VPS33A: variants seen among roughly 807,000 people sequenced by gnomAD.
The protein encoded by VPS33A is VPS33A core subunit of CORVET and HOPS complexes.
VPS33A carries 32 observed loss-of-function variants against 71.8 expected under a neutral mutation model. The ratio of observed to expected loss-of-function variants is 0.45; its 90% confidence interval spans 0.34 to 0.60. VPS33A has a LOEUF of 0.60. Among genes scored for constraint, VPS33A ranks in the 20% least tolerant of loss-of-function variants. The pLI is 0.02. For missense variants in VPS33A, 625 were observed against 748.5 expected (o/e 0.84, Z 1.92); for synonymous variants, 311 against 292.7 (o/e 1.06, Z -0.64).
In VPS33A at chr12:122,239,543, G is replaced by A. The variant is rs929693337; in HGVS notation, c.1164+335C>T. On this transcript the variant is annotated intron_variant, in intron 9 of 12. Transcript: ENST00000267199. ...AAGGTCGGAGATCGAGACCATCCTG[G>A]CTAACATGGTGAAACCCCGTCTCTA... Among the ~76,000 whole-genome samples the A allele has an allele frequency of 5.3e-5, 8 of 152,142 alleles. No homozygotes were observed. The East Asian group carries it at 1.4e-3, about 26-fold the overall frequency.
At chr12:122,238,385 T>C (rs1954658466) in intron 10 of VPS33A, among the ~76,000 whole-genome samples, 1 of 152,144 alleles carries the variant, frequency 6.6e-6, no homozygotes, top group South Asian at 2.1e-4. Context: ...CATGCCTGGC[T>C]AATTTTTGTA....
At chr12:122,244,141 T>C (rs1954747513) in intron 7 of VPS33A, among the ~76,000 whole-genome samples, 1 of 152,126 alleles carries the variant, frequency 6.6e-6, no homozygotes. Context: ...TTCAGTCTCA[T>C]TATCACCTGC....
In VPS33A at chr12:122,239,749, C is replaced by CAAAAAA. The variant is rs5801475; in HGVS notation, c.1164+123_1164+128dup. 1.4e-3 allele frequency: 278 copies of CAAAAAA among 197,804 alleles called. 31 individuals are homozygous for CAAAAAA. Among genetic ancestry groups the CAAAAAA allele is most frequent in the African/African-American group, 2.8e-3 (52 of 18,648 alleles). The allele number at this position is 197,804 out of a possible 1,614,324, so 12.3% of individuals were successfully genotyped here. A position where few individuals can be genotyped will look rare whatever the true frequency, so the allele number is the denominator to read the frequency against. On this transcript the variant is annotated intron_variant, in intron 9 of 12. Coordinates refer to ENST00000267199, the MANE Select transcript of VPS33A (RefSeq NM_022916.6). ...GGTGACACACAGTGAGACTCCGTCT[C>CAAAAAA]AAAAAAAAAAAAAAAAAAAAAAAAA...
At position 122,244,766 on chromosome 12, in the gene VPS33A, A is replaced by G. The variant is rs762527307; in HGVS notation, c.776-4T>C. 4 of 1,608,688 alleles carry G rather than the reference A, an allele frequency of 2.5e-6. No individual in the cohort carries two copies. Among genetic ancestry groups the G allele is most frequent in the Non-Finnish European group, 3.4e-6 (4 of 1,175,834 alleles). On this transcript the variant is annotated splice_polypyrimidine_tract_variant and splice_region_variant and intron_variant, in intron 6 of 12. Transcript: ENST00000267199. ...TCTGGAGGTAATTTCACATAACCTG[A>G]GCAGCAGTGGAAGGGAATAAGCACC...
chr12:122,244,698 G>A lies in VPS33A; in HGVS notation c.840C>T (p.Leu280=). 6.2e-7 allele frequency: 1 copy of A among 1,614,152 alleles called. No individual in the cohort carries two copies. Residue 280 remains leucine (L), a synonymous_variant, in exon 7 of 13, where the codon CTC becomes CTT. Coordinates refer to ENST00000267199, the MANE Select transcript of VPS33A (RefSeq NM_022916.6). ...PKKQGDGGKD[L]PTEAKKLQLN... ...GCTGCAGCTTCTTTGCTTCCGTGGG[G>A]AGGTCCTTACCACCATCGCCCTGTT...
rs2136118552 is a variant in VPS33A at position 122,231,392 on chromosome 12, T to C, written c.*854A>G. The C allele has an allele frequency of 6.6e-6, 1 of 152,320 alleles. No individual in the cohort carries two copies. Among genetic ancestry groups the C allele is most frequent in the East Asian group, 1.9e-4 (1 of 5,194 alleles). The allele number at this position is 152,320 out of a possible 1,614,324, so 9.4% of individuals were successfully genotyped here. The stretch of plus-strand genomic sequence containing the variant: ...GTAGAAGGAAGCAAACTTGCCTTAG[T>C]GATCAGTTGCGACAGTGACTGATGA... On this transcript the variant is annotated 3_prime_UTR_variant, in exon 13 of 13. Transcript: ENST00000267199.
At chr12:122,239,776 A>T in intron 9 of VPS33A, 102 bp downstream of exon 9, 1 of 633,064 alleles carries the variant, frequency 1.6e-6, no homozygotes. Context: ...AAAAAAAAAA[A>T]AAAGGCAAGG....
intron 3 of VPS33A, among the ~76,000 whole-genome samples, chr12:122,262,342 A>G (rs994416093): frequency 2.6e-5 from 4 of 152,224 alleles, no homozygotes; most frequent in Non-Finnish European, 4.4e-5. Flanking sequence ...TGAAGCTCTC[A>G]GGTTGATTGA....
chr12:122,253,440 C>T (rs1029372292), intron 4 of VPS33A: 1 of 155,472 alleles, frequency 6.4e-6, no homozygotes, highest in African/African-American at 2.4e-5. Flanking sequence ...GTAATCCCAG[C>T]TACTCAGGTG....
In VPS33A at chr12:122,235,902, A is replaced by G. The variant is rs763496057; in HGVS notation, c.1324T>C (p.Leu442=). Reference sequence around the variant, plus strand: ...GCCTTCTCCAGGTTGTGTAAGGTCAATATGTGCTCATAGCCGTATGTCTGC... The same window carrying G: ...GCCTTCTCCAGGTTGTGTAAGGTCAGTATGTGCTCATAGCCGTATGTCTGC... The part of the protein sequence containing the change: ...ILQTYGYEHI[L]TLHNLEKAGL... Residue 442 remains leucine (L), a synonymous_variant, in exon 11 of 13, where the codon TTG becomes CTG. Coordinates refer to ENST00000267199, the MANE Select transcript of VPS33A (RefSeq NM_022916.6). The G allele has an allele frequency of 6.2e-6, 10 of 1,612,944 alleles. No individual in the cohort carries two copies. The East Asian group carries it at 8.9e-5, about 14-fold the overall frequency.
rs904892258 is a variant in VPS33A at position 122,250,991 on chromosome 12, A to T, written c.592T>A (p.Cys198Ser). The T allele has an allele frequency of 6.2e-7, 1 of 1,613,674 alleles. No individual in the cohort carries two copies. Among genetic ancestry groups the T allele is most frequent in the Non-Finnish European group, 8.5e-7 (1 of 1,179,608 alleles). The change falls in exon 5 of 13, where the codon TGC becomes AGC. Residue 198 changes from cysteine to serine, a missense_variant. By Grantham distance (112) the Cys-to-Ser change is moderately radical (BLOSUM62 -1). Transcript: ENST00000267199. ...TIPQIFGKGE[C>S]ARQVANMMIR... Reference sequence around the variant, plus strand: ...AAGCAGCCGGTTCTCACCCGAGCGCATTCTCCTTTCCCAAAGATCTGGGGG... The same window carrying T: ...AAGCAGCCGGTTCTCACCCGAGCGCTTTCTCCTTTCCCAAAGATCTGGGGG...
At position 122,232,793 on chromosome 12, in the gene VPS33A, G is replaced by A; in HGVS notation, c.1609+7C>T. The stretch of plus-strand genomic sequence containing the variant: ...TAATTATCTGTAGATGCTGGACTGG[G>A]ACTTACGTTTCTTCTGCAGTCCTGT... On this transcript the variant is annotated splice_region_variant and intron_variant, in intron 12 of 12. Coordinates refer to ENST00000267199, the MANE Select transcript of VPS33A (RefSeq NM_022916.6). 6.2e-7 allele frequency: 1 copy of A among 1,609,556 alleles called. No individual in the cohort carries two copies.
intron 9 of VPS33A, among the ~76,000 whole-genome samples, chr12:122,239,510 C>T (rs569654131): frequency 8.5e-5 from 13 of 152,170 alleles, no homozygotes; most frequent in East Asian, 3.9e-4. Flanking sequence ...CCAAGGTGGG[C>T]GGATCACAAG....
intron 12 of VPS33A, 37 bp downstream of exon 12, chr12:122,232,763 G>A (rs1439589004): frequency 6.3e-7 from 1 of 1,590,178 alleles, no homozygotes; most frequent in Non-Finnish European, 8.6e-7. Flanking sequence ...CACACTAACA[G>A]TACATAATTA....
chr12:122,244,869 G>A (rs1954757842), intron 6 of VPS33A, 107 bp from the exon 7 acceptor site: 5 of 1,098,568 alleles, frequency 4.6e-6, no homozygotes, highest in Middle Eastern at 3.1e-4. Context: ...AATGGAAGAC[G>A]GCAAACGACA....
intron 11 of VPS33A, among the ~76,000 whole-genome samples, 194 bp downstream of exon 11, chr12:122,235,592 C>G (rs1184781354): frequency 6.6e-6 from 1 of 152,092 alleles, no homozygotes; most frequent in African/African-American, 2.4e-5. Context: ...TCCAGAAACT[C>G]CCCAGTTTAA....
chr12:122,248,274 A>T (rs1954801782), intron 6 of VPS33A: 1 of 152,356 alleles, frequency 6.6e-6, no homozygotes, highest in Non-Finnish European at 1.5e-5. Context: ...TTCATTCAGG[A>T]TGGCAATAGA....
chr12:122,254,961 G>C (rs143111944), intron 4 of VPS33A, among the ~76,000 whole-genome samples: 5,790 of 151,154 alleles, frequency 0.038, 158 homozygotes, highest in Middle Eastern at 0.055. Context: ...TGAGGCAGGA[G>C]AATCACTTGA....
In VPS33A at chr12:122,231,061, A is replaced by G. The variant is rs1049722091; in HGVS notation, c.*1185T>C. On this transcript the variant is annotated 3_prime_UTR_variant, in exon 13 of 13. Coordinates refer to ENST00000267199, the MANE Select transcript of VPS33A (RefSeq NM_022916.6). The stretch of plus-strand genomic sequence containing the variant: ...AAACGAAGTGGCCAGATGCTGAAGA[A>G]GCAAGAGTTGCCCCTGCTCACTGTG... 23 of 152,324 alleles carry G rather than the reference A, an allele frequency of 1.5e-4. No homozygotes were observed. The highest frequency in any genetic ancestry group is 1.5e-3 in the Admixed American group (23 of 15,282). 9.4% of individuals were successfully genotyped at this position (152,324 alleles called of 1,614,324 possible).
Sources: gnomAD v4.1 joint callset for allele counts (sites outside exome capture counted in the v4.1 genomes callset) on GRCh38, gnomAD v4.1.1 for gene constraint, MANE v1.5 for transcripts, NCBI Gene and HGNC (gene_info 2026-07-23, HGNC 2026-07-21) for gene names.